MTX2: variants seen among roughly 807,000 people sequenced by gnomAD.
The protein encoded by MTX2 is metaxin 2, also known as metaxin-2.
A neutral mutation model predicts 42.3 loss-of-function variants in MTX2; 35 were observed. The observed-to-expected ratio is 0.83, with a 90% CI of 0.63 to 1.10. The LOEUF is 1.10. MTX2 is among the 50% of genes least tolerant of loss of function. The pLI, the probability that MTX2 is intolerant of heterozygous loss-of-function variation, is 0.00. For missense variants in MTX2, 307 were observed against 304.1 expected (o/e 1.01, Z -0.07); for synonymous variants, 119 against 100.9 (o/e 1.18, Z -1.08).
intron 1 of MTX2, among the ~76,000 whole-genome samples, chr2:176,289,212 G>A (rs890004837): frequency 6.6e-6 from 1 of 151,964 alleles, no homozygotes; most frequent in Non-Finnish European, 1.5e-5. Flanking sequence ...GGTCACGGGT[G>A]TTGCTTTATC....
chr2:176,290,065 A>T (rs1206201054), intron 1 of MTX2, among the ~76,000 whole-genome samples: 2 of 152,168 alleles, frequency 1.3e-5, no homozygotes, highest in Non-Finnish European at 2.9e-5. Flanking sequence ...GTATAGATAA[A>T]GGAGAAATTA....
rs1260444261 is a variant in MTX2 at position 176,269,813 on chromosome 2, C to T, written c.40+144C>T. 4.0e-6 allele frequency: 4 copies of T among 1,008,240 alleles called. No individual in the cohort carries two copies. The South Asian group carries it at 5.2e-5, about 13-fold the overall frequency. 62.5% of individuals were successfully genotyped at this position (1,008,240 alleles called of 1,614,324 possible). A position where few individuals can be genotyped will look rare whatever the true frequency, so the allele number is the denominator to read the frequency against. ...GGTGGAGGCGGGCACGGACTACCAA[C>T]CTTATCTCACATATGGGAAAACTGA... On this transcript the variant is annotated intron_variant, in intron 1 of 9. Transcript: ENST00000249442.
rs982271183 is a variant in MTX2, at chr2:176,269,478, C to T, written c.-152C>T. Reference sequence around the variant, plus strand: ...GGCCTGGCGGTAACCTTGGGGGCCTCACTGCAGCCGCCGCTGCTGTTGGAG... The same window carrying T: ...GGCCTGGCGGTAACCTTGGGGGCCTTACTGCAGCCGCCGCTGCTGTTGGAG... On this transcript the variant is annotated 5_prime_UTR_variant, in exon 1 of 10. Transcript: ENST00000249442. 1.2e-6 allele frequency: 1 copy of T among 830,984 alleles called. No homozygotes were observed. The highest frequency in any genetic ancestry group is 1.8e-6 in the Non-Finnish European group (1 of 567,036). The allele number at this position is 830,984 out of a possible 1,614,324, so 51.5% of individuals were successfully genotyped here.
intron 1 of MTX2, among the ~76,000 whole-genome samples, chr2:176,280,888 T>G (rs928353633): frequency 2.0e-5 from 3 of 152,210 alleles, no homozygotes; most frequent in African/African-American, 7.2e-5. Context: ...AAGGATAGTG[T>G]CCTGGGCTGA....
intron 3 of MTX2, among the ~76,000 whole-genome samples, chr2:176,299,001 C>T (rs1683960687): frequency 6.6e-6 from 1 of 152,046 alleles, no homozygotes; most frequent in African/African-American, 2.4e-5. Context: ...CCTAAAACTA[C>T]ATAATACTAG....
intron 7 of MTX2, 132 bp downstream of exon 7, chr2:176,329,044 T>C: frequency 1.1e-6 from 1 of 919,396 alleles, no homozygotes; most frequent in Non-Finnish European, 1.6e-6. Context: ...TCACTTACTT[T>C]AATTTTGCTT....
chr2:176,275,832 A>G (rs1692933860), intron 1 of MTX2, among the ~76,000 whole-genome samples: 1 of 152,178 alleles, frequency 6.6e-6, no homozygotes, highest in Admixed American at 6.5e-5. Flanking sequence ...GAGTGGCTCC[A>G]GGTATTAGGG....
chr2:176,331,985 C>A (rs1356294831), intron 9 of MTX2, among the ~76,000 whole-genome samples: 1 of 151,192 alleles, frequency 6.6e-6, no homozygotes, highest in Non-Finnish European at 1.5e-5. Context: ...CAGAGTTTGG[C>A]ATGTGACTCA....
intron 3 of MTX2, among the ~76,000 whole-genome samples, chr2:176,320,229 C>G (rs1575057018): frequency 6.6e-6 from 1 of 151,342 alleles, no homozygotes; most frequent in East Asian, 1.9e-4. Flanking sequence ...GCCTGGGCGA[C>G]AGAGTGAAAT....
At chr2:176,290,027 A>C (rs565282400) in intron 1 of MTX2, among the ~76,000 whole-genome samples, 1 of 152,288 alleles carries the variant, frequency 6.6e-6, no homozygotes, top group African/African-American at 2.4e-5. Context: ...AAAATGATAT[A>C]TAAGAAAAAT....
chr2:176,327,591 A>AAC (rs1263218405), intron 5 of MTX2, among the ~76,000 whole-genome samples: 2 of 146,220 alleles, frequency 1.4e-5, no homozygotes, highest in African/African-American at 5.0e-5. Flanking sequence ...TTTTTTCTTC[A>AAC]ACACCCTCCC....
intron 4 of MTX2, among the ~76,000 whole-genome samples, chr2:176,324,204 G>A (rs558112220): frequency 6.6e-6 from 1 of 151,492 alleles, no homozygotes; most frequent in South Asian, 2.1e-4. Flanking sequence ...TAACTGATTG[G>A]TATAAGTGTG....
At chr2:176,289,859 TA>T (rs1693290130) in intron 1 of MTX2, among the ~76,000 whole-genome samples, 1 of 152,104 alleles carries the variant, frequency 6.6e-6, no homozygotes, top group South Asian at 2.1e-4. Context: ...TTAAATTTCA[TA>T]TTTTGGCATG....
intron 3 of MTX2, among the ~76,000 whole-genome samples, chr2:176,319,733 G>A (rs1228090949): frequency 4.6e-5 from 7 of 151,804 alleles, no homozygotes; most frequent in African/African-American, 9.7e-5. Flanking sequence ...ACACCACCAC[G>A]CCCGGCTAAT....
chr2:176,306,372 GTGTGCATT>G (rs2105422463), intron 3 of MTX2, among the ~76,000 whole-genome samples: 1 of 151,866 alleles, frequency 6.6e-6, no homozygotes, highest in South Asian at 2.1e-4. Context: ...CAATAAACAT[GTGTGCATT>G]TGTCTTTATA....
intron 3 of MTX2, among the ~76,000 whole-genome samples, chr2:176,306,116 G>C (rs763026412): frequency 3.3e-5 from 5 of 150,992 alleles, no homozygotes; most frequent in East Asian, 3.9e-4. Context: ...GCCCTGTGTC[G>C]AAGTGATCTC....
intron 3 of MTX2, among the ~76,000 whole-genome samples, chr2:176,311,553 T>C (rs1016561133): frequency 3.3e-5 from 5 of 152,198 alleles, no homozygotes; most frequent in African/African-American, 1.2e-4. Context: ...TGCAGTGGGC[T>C]CCGCCCAGTT....
intron 1 of MTX2, among the ~76,000 whole-genome samples, chr2:176,278,333 G>T (rs965124950): frequency 6.6e-6 from 1 of 152,000 alleles, no homozygotes; most frequent in Non-Finnish European, 1.5e-5. Context: ...TTATAGGTGT[G>T]AGCCACTGCA....
At chr2:176,329,103 T>C (rs1256646748) in intron 7 of MTX2, among the ~76,000 whole-genome samples, 191 bp downstream of exon 7, 1 of 151,316 alleles carries the variant, frequency 6.6e-6, no homozygotes, top group African/African-American at 2.4e-5. Flanking sequence ...ATATAACGGG[T>C]TGCAAAGTAC....
Sources: gnomAD v4.1 joint callset for allele counts (sites outside exome capture counted in the v4.1 genomes callset) on GRCh38, gnomAD v4.1.1 for gene constraint, MANE v1.5 for transcripts, NCBI Gene and HGNC (gene_info 2026-07-23, HGNC 2026-07-21) for gene names.